METTL22: variants seen among roughly 807,000 people sequenced by gnomAD.
METTL22 encodes methyltransferase 22, Kin17 lysine.
In METTL22, 51 loss-of-function variants were observed where a neutral mutation model predicts 48.4. The observed-to-expected ratio is 1.05, with a 90% CI of 0.84 to 1.33. The LOEUF (loss-of-function observed/expected upper bound fraction) is 1.33, where lower values mean the gene tolerates loss of function less well. METTL22 is among the 40% of genes most tolerant of loss of function. The pLI, the probability that METTL22 is intolerant of heterozygous loss-of-function variation, is 0.00. For missense variants in METTL22, 678 were observed against 526.9 expected (o/e 1.29, Z -2.81); for synonymous variants, 255 against 214.1 (o/e 1.19, Z -1.67).
chr16:8,652,530 C>T (rs1438137466), downstream of METTL22, among the ~76,000 whole-genome samples: 2 of 144,398 alleles, frequency 1.4e-5, no homozygotes, highest in Admixed American at 1.4e-4. Context: ...GTGAAACCCT[C>T]ATGTGTGGCC....
At chr16:8,658,811 C>G in the METTL22 span, among the ~76,000 whole-genome samples, 1 of 152,188 alleles carries the variant, frequency 6.6e-6, no homozygotes, top group Non-Finnish European at 1.5e-5. Flanking sequence ...AAGCCCAAAT[C>G]CCTTTGCAGG....
Position 8,646,189 on chromosome 16 carries a change from T to G in METTL22, c.*46T>G. 1 of 1,607,604 alleles carries G rather than the reference T, an allele frequency of 6.2e-7. No individual in the cohort carries two copies. The highest frequency in any genetic ancestry group is 8.5e-7 in the Non-Finnish European group (1 of 1,174,812). ...CGGCGTCTCGACTGTTCTTAGAGTG[T>G]ATTTCTAGTAAAATCAGAAGCTCAC... On this transcript the variant is annotated 3_prime_UTR_variant, in exon 11 of 11. Coordinates refer to ENST00000381920, the MANE Select transcript of METTL22 (RefSeq NM_024109.4).
intron 6 of METTL22, among the ~76,000 whole-genome samples, 177 bp from the exon 7 acceptor site, chr16:8,640,954 A>G (rs62030897): frequency 4.9e-4 from 16 of 32,970 alleles, no homozygotes; most frequent in African/African-American, 1.6e-3. Context: ...GGGTGGGTGG[A>G]TGGCTGGCTG....
chr16:8,645,987 G>C (rs1300420196), intron 10 of METTL22, 121 bp from the exon 11 acceptor site: 1 of 1,506,226 alleles, frequency 6.6e-7, no homozygotes, highest in Non-Finnish European at 8.9e-7. Flanking sequence ...GCCCCAGCTC[G>C]CCTGCTCCGT....
In METTL22 at chr16:8,642,696, A is replaced by T. The variant is rs2141803078; in HGVS notation, c.1010+131A>T. On this transcript the variant is annotated intron_variant, in intron 9 of 10. Coordinates refer to ENST00000381920, the MANE Select transcript of METTL22 (RefSeq NM_024109.4). ...ACTTATTGAGCACCTACTATGTGCC[A>T]GGTCTGTGCTCATCCTTTGTGTACG... The T allele has an allele frequency of 4.7e-6, 4 of 855,236 alleles. No individual in the cohort carries two copies. In the East Asian group the frequency reaches 9.7e-5, roughly 21 times the overall value. The allele number at this position is 855,236 out of a possible 1,614,324, so 53.0% of individuals were successfully genotyped here.
chr16:8,638,998 G>C, intron 5 of METTL22, 93 bp from the exon 6 acceptor site: 1 of 1,228,278 alleles, frequency 8.1e-7, no homozygotes, highest in South Asian at 1.2e-5. Context: ...TTCTGCAGTT[G>C]TGCTGTTGAT....
At chr16:8,637,394 T>C (rs986952112) in intron 5 of METTL22, among the ~76,000 whole-genome samples, 9 of 147,224 alleles carry the variant, frequency 6.1e-5, no homozygotes, top group African/African-American at 2.2e-4. Flanking sequence ...TGGTGCCTAA[T>C]AGCAGACTAT....
rs917585391 is a variant in METTL22, at chr16:8,624,054, G to A, written c.-170-1442G>A. 5 of 152,236 alleles carry A rather than the reference G, an allele frequency of 3.3e-5. No homozygotes were observed. In the East Asian group the frequency reaches 5.8e-4, roughly 18 times the overall value. 9.4% of individuals were successfully genotyped at this position (152,236 alleles called of 1,614,324 possible). ...TTACCCACCCAGTAACACTGCGTGAGATTGTGGCTGAAGAAACAGATGCAG... is the reference window on the plus strand; with the variant it reads ...TTACCCACCCAGTAACACTGCGTGAAATTGTGGCTGAAGAAACAGATGCAG... On this transcript the variant is annotated intron_variant, in intron 1 of 10. Transcript: ENST00000381920.
chr16:8,652,201 G>A (rs188332286), downstream of METTL22, among the ~76,000 whole-genome samples: 23 of 152,198 alleles, frequency 1.5e-4, no homozygotes, highest in African/African-American at 5.3e-4. Flanking sequence ...GCTCAAGCCT[G>A]TTATCCCAGC....
At chr16:8,653,997 C>T (rs992841415), downstream of METTL22, among the ~76,000 whole-genome samples, 5 of 152,164 alleles carry the variant, frequency 3.3e-5, no homozygotes, top group African/African-American at 1.2e-4. Context: ...GCACTCCAGA[C>T]TGGGTGTCAG....
downstream of METTL22, among the ~76,000 whole-genome samples, chr16:8,653,830 G>A (rs1407807584): frequency 6.6e-6 from 1 of 152,134 alleles, no homozygotes; most frequent in African/African-American, 2.4e-5. Flanking sequence ...AGGACTTAGA[G>A]ACAGGAACAC....
chr16:8,622,153 C>T (rs1379485768), intron 1 of METTL22, among the ~76,000 whole-genome samples: 1 of 152,234 alleles, frequency 6.6e-6, no homozygotes, highest in East Asian at 1.9e-4. Flanking sequence ...ACTCTACGCA[C>T]CGTGGCCAGG....
Position 8,643,666 on chromosome 16 carries a change from T to C in METTL22, c.1011-891T>C, listed in dbSNP as rs369085655. Among the ~76,000 whole-genome samples, 14 of 152,118 alleles carry C rather than the reference T, an allele frequency of 9.2e-5. No individual in the cohort carries two copies. The South Asian group carries it at 2.9e-3, about 32-fold the overall frequency. ...CTTGCCCTGTCAGCCCAGGCTGGAG[T>C]GTGATGGTGCGATCTCGGCTCAGCA... On this transcript the variant is annotated intron_variant, in intron 9 of 10. Coordinates refer to ENST00000381920, the MANE Select transcript of METTL22 (RefSeq NM_024109.4).
intron 3 of METTL22, among the ~76,000 whole-genome samples, chr16:8,632,425 C>CA (rs2056295061): frequency 6.6e-6 from 1 of 152,194 alleles, no homozygotes; most frequent in South Asian, 2.1e-4. Flanking sequence ...AGGCTGGTCT[C>CA]AAACTCCTGG....
chr16:8,637,664 C>G (rs1319899288), intron 5 of METTL22, among the ~76,000 whole-genome samples: 1 of 152,200 alleles, frequency 6.6e-6, no homozygotes, highest in Non-Finnish European at 1.5e-5. Flanking sequence ...GTGTGCTTGT[C>G]ACGTGGTGGA....
At chr16:8,641,362 C>T in intron 7 of METTL22, 178 bp downstream of exon 7, 1 of 694,034 alleles carries the variant, frequency 1.4e-6, no homozygotes, top group Non-Finnish European at 2.6e-6. Flanking sequence ...CTCTGAGCGC[C>T]TGCTGCATGC....
chr16:8,648,172 GC>G lies in METTL22; in HGVS notation c.*2031del, dbSNP rs1332132987. On this transcript the variant is annotated 3_prime_UTR_variant, in exon 11 of 11. Transcript: ENST00000381920. ...CCCCATCTCTATTAAAAATTAAACA[GC>G]CAATTAGTCTGGCATGGTGGTTTGC... The G allele has an allele frequency of 6.6e-6, 1 of 152,228 alleles. No homozygotes were observed. Among genetic ancestry groups the G allele is most frequent in the South Asian group, 2.1e-4 (1 of 4,830 alleles). The allele number at this position is 152,228 out of a possible 1,614,324, so 9.4% of individuals were successfully genotyped here.
At chr16:8,664,749 C>G in the METTL22 span, among the ~76,000 whole-genome samples, 1 of 152,156 alleles carries the variant, frequency 6.6e-6, no homozygotes, top group Non-Finnish European at 1.5e-5. Context: ...GCATGAGCCA[C>G]CACGTCTAGC....
At chr16:8,632,925 C>T (rs2056310067) in intron 3 of METTL22, among the ~76,000 whole-genome samples, 1 of 152,140 alleles carries the variant, frequency 6.6e-6, no homozygotes, top group African/African-American at 2.4e-5. Context: ...AGGAAGTGAC[C>T]AATCACATAG....
Sources: gnomAD v4.1 joint callset for allele counts (sites outside exome capture counted in the v4.1 genomes callset) on GRCh38, gnomAD v4.1.1 for gene constraint, MANE v1.5 for transcripts, NCBI Gene and HGNC (gene_info 2026-07-23, HGNC 2026-07-21) for gene names.